Variants in KIAA1328 observed in about 807,000 individuals in gnomAD.
KIAA1328 encodes the protein KIAA1328.
A neutral mutation model predicts 68.1 loss-of-function variants in KIAA1328; 52 were observed. The observed-to-expected ratio is 0.76, with a 90% CI of 0.61 to 0.96. The LOEUF is 0.96. Ranked by LOEUF, KIAA1328 falls within the 40% of genes least tolerant of loss-of-function variation. The pLI is 0.00. For synonymous variants in KIAA1328, 232 were observed against 239.4 expected (o/e 0.97, Z 0.28); for missense variants, 641 against 677.6 (o/e 0.95, Z 0.60).
intron 9 of KIAA1328, among the ~76,000 whole-genome samples, chr18:37,173,845 A>G (rs1292196371): frequency 6.6e-6 from 1 of 152,216 alleles, no homozygotes; most frequent in Non-Finnish European, 1.5e-5. Context: ...GTAATTTCAA[A>G]GGGAAGAGAA....
chr18:36,972,885 C>G (rs2052288166), intron 6 of KIAA1328, among the ~76,000 whole-genome samples: 6 of 152,116 alleles, frequency 3.9e-5, no homozygotes, highest in African/African-American at 1.4e-4. Context: ...GAGCCTGAAA[C>G]AGGAAAAGAT....
intron 4 of KIAA1328, among the ~76,000 whole-genome samples, chr18:36,862,602 C>T (rs548224063): frequency 3.4e-4 from 51 of 152,080 alleles, no homozygotes; most frequent in Non-Finnish European, 6.5e-4. Flanking sequence ...TTTAATCATT[C>T]GCCTGTTGAA....
intron 7 of KIAA1328, among the ~76,000 whole-genome samples, chr18:37,119,318 T>G (rs2058206908): frequency 1.3e-5 from 2 of 152,124 alleles, no homozygotes; most frequent in South Asian, 4.1e-4. Context: ...AGACATTATA[T>G]GTACTCATGT....
rs1278505669 is a variant in KIAA1328 at position 36,913,620 on chromosome 18, T to G, written c.448+27948T>G. ...CCAACCTTGGACTAATAGTCATCCTTGTTATTGATCCTTGTAGCCAAGGAT... is the reference window on the plus strand; with the variant it reads ...CCAACCTTGGACTAATAGTCATCCTGGTTATTGATCCTTGTAGCCAAGGAT... On this transcript the variant is annotated intron_variant, in intron 5 of 9. Transcript: ENST00000280020. Among the ~76,000 whole-genome samples, 4 of 151,396 alleles carry G rather than the reference T, an allele frequency of 2.6e-5. No homozygotes were observed. In the East Asian group the frequency reaches 7.8e-4, roughly 29 times the overall value.
intron 6 of KIAA1328, among the ~76,000 whole-genome samples, chr18:37,007,984 A>G (rs1598957098): frequency 6.6e-6 from 1 of 152,172 alleles, no homozygotes; most frequent in Non-Finnish European, 1.5e-5. Flanking sequence ...TGAAGGCAAC[A>G]GTGTGGCACT....
intron 4 of KIAA1328, among the ~76,000 whole-genome samples, chr18:36,884,221 A>G (rs1034611617): frequency 2.0e-5 from 3 of 152,136 alleles, no homozygotes; most frequent in African/African-American, 7.2e-5. Context: ...CTGATAACAG[A>G]GTATAAATTC....
At chr18:36,851,162 A>G (rs2047200524) in intron 4 of KIAA1328, among the ~76,000 whole-genome samples, 2 of 152,090 alleles carry the variant, frequency 1.3e-5, no homozygotes, top group Admixed American at 1.3e-4. Context: ...GATAAATACC[A>G]ATTGGTTATG....
intron 5 of KIAA1328, chr18:36,895,904 T>C (rs2048853277): frequency 2.7e-6 from 1 of 374,838 alleles, no homozygotes; most frequent in Non-Finnish European, 5.4e-6. Context: ...AGCAAGAAGG[T>C]AGAAGCCTGA....
intron 6 of KIAA1328, among the ~76,000 whole-genome samples, chr18:36,970,964 T>C (rs2052179334): frequency 6.6e-6 from 1 of 152,160 alleles, no homozygotes; most frequent in African/African-American, 2.4e-5. Context: ...AAATTTCATA[T>C]GGAACCAAAA....
chr18:37,225,312 C>A lies in KIAA1328; in HGVS notation c.*3085C>A. 1 of 985,220 alleles carries A rather than the reference C, an allele frequency of 1.0e-6. No homozygotes were observed. The highest frequency in any genetic ancestry group is 1.2e-6 in the Non-Finnish European group (1 of 829,712). The allele number at this position is 985,220 out of a possible 1,614,324, so 61.0% of individuals were successfully genotyped here. On this transcript the variant is annotated 3_prime_UTR_variant, in exon 10 of 10. Coordinates refer to ENST00000280020, the MANE Select transcript of KIAA1328 (RefSeq NM_020776.3). ...CGTATGAGATTTCAAGTTAATAAAT[C>A]ATCTCTATGGCTATTTTCCCCATGT...
intron 6 of KIAA1328, among the ~76,000 whole-genome samples, chr18:37,034,250 C>CCTTTTTTT (rs1568318765): frequency 6.6e-6 from 1 of 151,604 alleles, no homozygotes; most frequent in African/African-American, 2.4e-5. Context: ...AGTTGTAATA[C>CCTTTTTTT]AAAAAAAGGT....
intron 6 of KIAA1328, among the ~76,000 whole-genome samples, chr18:37,001,179 G>GA (rs1402144130): frequency 6.6e-6 from 1 of 151,888 alleles, no homozygotes; most frequent in Admixed American, 6.6e-5. Context: ...AGCCAGAAAT[G>GA]AAAAATGAGA....
rs184434621 is a variant in KIAA1328 at position 36,910,663 on chromosome 18, G to A, written c.448+24991G>A. Reference sequence around the variant, plus strand: ...AGTTTTTTCTAATTCTGTGAAGAAAGTAATTGGTAGCTTGTTGGGGATGGC... The same window carrying A: ...AGTTTTTTCTAATTCTGTGAAGAAAATAATTGGTAGCTTGTTGGGGATGGC... On this transcript the variant is annotated intron_variant, in intron 5 of 9. Transcript: ENST00000280020. 1.5e-4 allele frequency among the ~76,000 whole-genome samples: 23 copies of A among 152,274 alleles called. No individual in the cohort carries two copies. The East Asian group carries it at 3.7e-3, about 24-fold the overall frequency.
intron 5 of KIAA1328, among the ~76,000 whole-genome samples, chr18:36,948,403 A>C (rs2050995911): frequency 6.6e-6 from 1 of 151,428 alleles, no homozygotes; most frequent in Admixed American, 6.6e-5. Flanking sequence ...CTGGGATTAC[A>C]GGCATGCGCC....
chr18:36,834,272 G>A, intron 1 of KIAA1328, 48 bp from the exon 2 acceptor site: 1 of 1,478,332 alleles, frequency 6.8e-7, no homozygotes, highest in Non-Finnish European at 9.0e-7. Context: ...AGCAGCATTT[G>A]GATGCCGGAT....
rs975791161 is a variant in KIAA1328, at chr18:37,059,415, G to A, written c.577-7475G>A. ...ACACTTCTAAAAAGAAGACATTTAT[G>A]TGACCAACAAACATAAGAAAAAAAG... On this transcript the variant is annotated intron_variant, in intron 6 of 9. Transcript: ENST00000280020. Among the ~76,000 whole-genome samples the A allele has an allele frequency of 2.6e-5, 4 of 152,278 alleles. No homozygotes were observed. In the East Asian group the frequency reaches 7.7e-4, roughly 29 times the overall value.
intron 5 of KIAA1328, among the ~76,000 whole-genome samples, chr18:36,917,394 T>C (rs2151094348): frequency 6.6e-6 from 1 of 152,206 alleles, no homozygotes; most frequent in South Asian, 2.1e-4. Context: ...CTTAAAATTT[T>C]TTTTCTTTTT....
intron 7 of KIAA1328, among the ~76,000 whole-genome samples, chr18:37,087,791 A>G (rs1345884029): frequency 3.3e-5 from 5 of 152,276 alleles, no homozygotes; most frequent in South Asian, 2.1e-4. Flanking sequence ...TTTCATGCCA[A>G]TGTGGGGAGC....
In KIAA1328 at chr18:36,925,542, C is replaced by CT. The variant is rs796763918; in HGVS notation, c.449-33754dup. The stretch of plus-strand genomic sequence containing the variant: ...TAGCCTTCTTCAAAAAAATTTGGTT[C>CT]TTTTTTTTTTTTGAGATGGGATCTC... On this transcript the variant is annotated intron_variant, in intron 5 of 9. Coordinates refer to ENST00000280020, the MANE Select transcript of KIAA1328 (RefSeq NM_020776.3). Among the ~76,000 whole-genome samples, 404 of 144,762 alleles carry CT rather than the reference C, an allele frequency of 2.8e-3. 9 individuals are homozygous for CT. Among genetic ancestry groups the CT allele is most frequent in the Middle Eastern group, 3.6e-3 (1 of 278 alleles). The allele number at this position is 144,762 out of a possible 152,430, so 95.0% of individuals were successfully genotyped here. A position where few individuals can be genotyped will look rare whatever the true frequency, so the allele number is the denominator to read the frequency against.
Sources: gnomAD v4.1 joint callset for allele counts (sites outside exome capture counted in the v4.1 genomes callset) on GRCh38, gnomAD v4.1.1 for gene constraint, MANE v1.5 for transcripts, NCBI Gene and HGNC (gene_info 2026-07-23, HGNC 2026-07-21) for gene names.